Variants in SNX29 observed in about 807,000 individuals in gnomAD.
The protein encoded by SNX29 is sorting nexin 29.
In SNX29, 78 loss-of-function variants were observed where a neutral mutation model predicts 102.1. The observed-to-expected ratio is 0.76, with a 90% CI of 0.64 to 0.92. The LOEUF (loss-of-function observed/expected upper bound fraction) is 0.92, where lower values mean the gene tolerates loss of function less well. SNX29 is among the 40% of genes least tolerant of loss of function. The pLI is 0.00. For missense variants in SNX29, 1,280 were observed against 1,061.7 expected, an observed-to-expected ratio of 1.21 and a Z score of -2.86; for synonymous variants, 580 against 414.5, an observed-to-expected ratio of 1.40 and a Z score of -4.85.
Position 12,518,846 on chromosome 16 carries a change from C to T in SNX29, c.2179-5856C>T, listed in dbSNP as rs116627011. 4.6e-3 allele frequency among the ~76,000 whole-genome samples: 706 copies of T among 152,278 alleles called. 6 individuals carry two copies. The highest frequency in any genetic ancestry group is 0.016 in the African/African-American group (651 of 41,546). The stretch of plus-strand genomic sequence containing the variant: ...ATTGCAGGGGATTTCGCTGCATTCC[C>T]ACAGAGCCGGTAAATGGTACTGCAG... On this transcript the variant is annotated intron_variant, in intron 19 of 20. Coordinates refer to ENST00000566228, the MANE Select transcript of SNX29 (RefSeq NM_032167.5).
intron 15 of SNX29, among the ~76,000 whole-genome samples, chr16:12,290,970 G>T (rs1312937313): frequency 2.0e-5 from 3 of 152,144 alleles, no homozygotes; most frequent in Non-Finnish European, 4.4e-5. Flanking sequence ...TTAAGAGCAA[G>T]AATTGAATGG....
chr16:12,143,474 C>T (rs376960341), intron 13 of SNX29, among the ~76,000 whole-genome samples: 3 of 152,076 alleles, frequency 2.0e-5, no homozygotes, highest in Admixed American at 1.3e-4. Context: ...AGGCGGTGCT[C>T]GTCCTTAGTG....
intron 12 of SNX29, 100 bp downstream of exon 12, chr16:12,126,796 C>CA (rs2054231583): frequency 7.6e-7 from 1 of 1,324,038 alleles, no homozygotes; most frequent in Middle Eastern, 1.9e-4. Flanking sequence ...GCTTTCTTGG[C>CA]AAAAATTGTG....
intron 16 of SNX29, among the ~76,000 whole-genome samples, chr16:12,396,577 G>T (rs1183752914): frequency 6.6e-6 from 1 of 152,216 alleles, no homozygotes; most frequent in Non-Finnish European, 1.5e-5. Flanking sequence ...CAGCCCTACA[G>T]TGTCTGCCAG....
At chr16:12,487,657 C>T (rs1051468577) in intron 19 of SNX29, among the ~76,000 whole-genome samples, 1 of 152,122 alleles carries the variant, frequency 6.6e-6, no homozygotes, top group Non-Finnish European at 1.5e-5. Flanking sequence ...CCGTAAAGTT[C>T]GTCATGTGAA....
intron 13 of SNX29, among the ~76,000 whole-genome samples, chr16:12,170,833 G>C (rs963712597): frequency 6.6e-6 from 1 of 151,700 alleles, no homozygotes; most frequent in African/African-American, 2.4e-5. Context: ...AGGAGTATGA[G>C]AGTGTGAGTG....
chr16:11,986,061 T>C (rs2055610757), intron 1 of SNX29, among the ~76,000 whole-genome samples: 1 of 151,986 alleles, frequency 6.6e-6, no homozygotes, highest in African/African-American at 2.4e-5. Context: ...GACCTCGGGC[T>C]CCCAGCGTGC....
At chr16:12,403,027 T>C (rs1456960971) in intron 17 of SNX29, among the ~76,000 whole-genome samples, 1 of 152,160 alleles carries the variant, frequency 6.6e-6, no homozygotes, top group Non-Finnish European at 1.5e-5. Flanking sequence ...TGCTGGGTGC[T>C]CCAGAAACGC....
chr16:12,033,317 G>T lies in SNX29; in HGVS notation c.247+5873G>T, dbSNP rs552938716. On this transcript the variant is annotated intron_variant, in intron 4 of 20. Coordinates refer to ENST00000566228, the MANE Select transcript of SNX29 (RefSeq NM_032167.5). ...AGTATCTTACTATCTTGCCCAGGCT[G>T]GTCTCAAATTCCTTGCCCTAAGTGA... 3.3e-5 allele frequency among the ~76,000 whole-genome samples: 5 copies of T among 151,868 alleles called. No homozygotes were observed. The East Asian group carries it at 7.8e-4, about 24-fold the overall frequency.
At chr16:12,090,555 C>G (rs1179495333) in intron 11 of SNX29, among the ~76,000 whole-genome samples, 1 of 152,178 alleles carries the variant, frequency 6.6e-6, no homozygotes, top group African/African-American at 2.4e-5. Flanking sequence ...AGTGCCAGCT[C>G]CAAACCCTAG....
chr16:12,354,156 A>G (rs1240528270), intron 15 of SNX29, among the ~76,000 whole-genome samples: 2 of 152,222 alleles, frequency 1.3e-5, no homozygotes, highest in Non-Finnish European at 2.9e-5. Flanking sequence ...TATTCGAGGA[A>G]CAGTAAGCTC....
At chr16:12,393,392 T>TAATGCATG (rs1555527325) in intron 16 of SNX29, among the ~76,000 whole-genome samples, 3 of 141,910 alleles carry the variant, frequency 2.1e-5, no homozygotes, top group Non-Finnish European at 3.1e-5. Flanking sequence ...ATTCATTCAT[T>TAATGCATG]CATGCATGCA....
At chr16:12,433,738 C>T (rs530578601) in intron 18 of SNX29, among the ~76,000 whole-genome samples, 10 of 151,984 alleles carry the variant, frequency 6.6e-5, no homozygotes, top group Non-Finnish European at 8.8e-5. Flanking sequence ...ACACAAGTAT[C>T]GCTTGAACCT....
chr16:12,557,251 T>C (rs537771749), intron 20 of SNX29: 12 of 152,330 alleles, frequency 7.9e-5, no homozygotes, highest in African/African-American at 2.6e-4. Flanking sequence ...TTTGGATCTA[T>C]GGAAAGATAA....
intron 20 of SNX29, among the ~76,000 whole-genome samples, chr16:12,552,736 C>G (rs913808675): frequency 3.3e-5 from 5 of 152,348 alleles, no homozygotes; most frequent in South Asian, 4.1e-4. Context: ...CATGGTATCT[C>G]CAGTGAAATC....
intron 13 of SNX29, 100 bp downstream of exon 13, chr16:12,129,858 A>C: frequency 3.6e-6 from 5 of 1,395,342 alleles, no homozygotes; most frequent in Non-Finnish European, 4.7e-6. Context: ...TAATCCCAGC[A>C]CTTTGGGAGG....
At position 12,064,684 on chromosome 16, in the gene SNX29, A is replaced by G. The variant is rs893749303; in HGVS notation, c.1243+3038A>G. On this transcript the variant is annotated intron_variant, in intron 9 of 20. Coordinates refer to ENST00000566228, the MANE Select transcript of SNX29 (RefSeq NM_032167.5). ...GAATGGGTAGCCTGATTGGGACGCC[A>G]GGTTGCATCAAGTCCCTTCTGTCCT... 3.3e-5 allele frequency among the ~76,000 whole-genome samples: 5 copies of G among 152,236 alleles called. No homozygotes were observed. The South Asian group carries it at 1.0e-3, about 31-fold the overall frequency.
chr16:12,523,841 C>T (rs1198946334), intron 19 of SNX29, among the ~76,000 whole-genome samples: 1 of 152,180 alleles, frequency 6.6e-6, no homozygotes, highest in Non-Finnish European at 1.5e-5. Flanking sequence ...ACAGCCCAGC[C>T]TGGTATGGCC....
intron 16 of SNX29, chr16:12,366,839 G>GTC (rs553913053): frequency 1.0e-4 from 15 of 148,852 alleles, no homozygotes; most frequent in Non-Finnish European, 1.3e-4. Flanking sequence ...CTCTGCCTCT[G>GTC]TCTCTCTCTC....
Sources: allele counts gnomAD v4.1 joint callset (sites outside exome capture counted in the v4.1 genomes callset), GRCh38; gene constraint gnomAD v4.1.1; transcripts MANE v1.5; gene names NCBI Gene and HGNC (gene_info 2026-07-23, HGNC 2026-07-21).